THSD7B: variants seen among roughly 807,000 people sequenced by gnomAD.
THSD7B encodes the protein thrombospondin type 1 domain containing 7B, also known as thrombospondin type-1 domain-containing protein 7B.
In THSD7B, 138 loss-of-function variants were observed where a neutral mutation model predicts 213.6. The ratio of observed to expected loss-of-function variants is 0.65; its 90% CI spans 0.56 to 0.74. The LOEUF is 0.74. Among genes scored for constraint, THSD7B ranks in the 30% least tolerant of loss-of-function variants. The pLI, the probability that THSD7B is intolerant of heterozygous loss-of-function variation, is 0.00. For missense variants in THSD7B, 1,931 were observed against 1,991.5 expected (o/e 0.97, Z 0.58); for synonymous variants, 742 against 687.0 (o/e 1.08, Z -1.25).
chr2:137,294,364 C>G (rs1431123278), intron 12 of THSD7B, among the ~76,000 whole-genome samples: 2 of 151,798 alleles, frequency 1.3e-5, no homozygotes, highest in Non-Finnish European at 2.9e-5. Context: ...AGGTGGATCA[C>G]CTGAGGTCAA....
At chr2:137,529,355 A>C (rs369041644) in intron 15 of THSD7B, among the ~76,000 whole-genome samples, 27 of 152,206 alleles carry the variant, frequency 1.8e-4, no homozygotes, top group East Asian at 5.8e-4. Context: ...TTTTCAAGGC[A>C]GTCAGGGAAC....
Position 137,242,972 on chromosome 2 carries a change from C to T in THSD7B, c.2266+400C>T, listed in dbSNP as rs1339876614. ...GAATATAGGGCTCGAATACAATGCTCACATCACTGATTAATATAAGTACAT... is the reference window on the plus strand; with the variant it reads ...GAATATAGGGCTCGAATACAATGCTTACATCACTGATTAATATAAGTACAT... On this transcript the variant is annotated intron_variant, in intron 10 of 27. Coordinates refer to ENST00000409968, the MANE Select transcript of THSD7B (RefSeq NM_001316349.2). Among the ~76,000 whole-genome samples the T allele has an allele frequency of 2.0e-5, 3 of 152,088 alleles. No homozygotes were observed. The East Asian group carries it at 5.8e-4, about 29-fold the overall frequency.
chr2:137,581,358 C>T (rs1360280322), intron 17 of THSD7B, among the ~76,000 whole-genome samples: 5 of 152,192 alleles, frequency 3.3e-5, no homozygotes, highest in African/African-American at 7.2e-5. Context: ...GAGGCCAAGG[C>T]GGGCAGATCA....
At chr2:137,155,528 G>A (rs182395255) in intron 5 of THSD7B, among the ~76,000 whole-genome samples, 25 of 152,320 alleles carry the variant, frequency 1.6e-4, no homozygotes, top group East Asian at 9.6e-4. Context: ...GAGAACTGAA[G>A]ACTCAGTAGA....
At chr2:136,802,276 A>G (rs946065482) in intron 1 of THSD7B, among the ~76,000 whole-genome samples, 9 of 152,188 alleles carry the variant, frequency 5.9e-5, no homozygotes, top group Middle Eastern at 6.8e-3. Flanking sequence ...GAGACAATAT[A>G]ATCCCGTGGA....
intron 2 of THSD7B, among the ~76,000 whole-genome samples, chr2:136,883,316 G>GA (rs1683656545): frequency 7.0e-6 from 1 of 143,462 alleles, no homozygotes; most frequent in East Asian, 2.0e-4. Flanking sequence ...AAATGAAAGT[G>GA]AATTATGCTT....
intron 17 of THSD7B, among the ~76,000 whole-genome samples, chr2:137,590,965 A>G (rs1681854116): frequency 6.6e-6 from 1 of 151,508 alleles, no homozygotes; most frequent in Non-Finnish European, 1.5e-5. Flanking sequence ...TAATTTCTTG[A>G]GCTAATTGTG....
At chr2:137,516,175 C>T (rs1680064184) in intron 15 of THSD7B, among the ~76,000 whole-genome samples, 1 of 146,658 alleles carries the variant, frequency 6.8e-6, no homozygotes. Flanking sequence ...AGAGCTCTGA[C>T]ATGGGCTAAC....
At chr2:137,553,521 T>C (rs1196267625) in intron 15 of THSD7B, among the ~76,000 whole-genome samples, 13 of 152,150 alleles carry the variant, frequency 8.5e-5, no homozygotes, top group Admixed American at 8.5e-4. Context: ...GAGTTTATGA[T>C]ATGACTCCGG....
chr2:137,667,757 ATC>A lies in THSD7B; in HGVS notation c.4652-13_4652-12del, dbSNP rs1306410602. The A allele has an allele frequency of 6.3e-7, 1 of 1,587,550 alleles. No individual in the cohort carries two copies. The highest frequency in any genetic ancestry group is 8.6e-7 in the Non-Finnish European group (1 of 1,164,662). The stretch of plus-strand genomic sequence containing the variant: ...TTCTGTATGCTAAGCTTCTTATGTT[ATC>A]TCTATTTTAAACAGATGGCCGAGTA... On this transcript the variant is annotated splice_polypyrimidine_tract_variant and intron_variant, in intron 26 of 27. Transcript: ENST00000409968.
chr2:136,794,125 C>T (rs1208690651), intron 1 of THSD7B, among the ~76,000 whole-genome samples: 1 of 150,852 alleles, frequency 6.6e-6, no homozygotes, highest in Non-Finnish European at 1.5e-5. Flanking sequence ...TTCAGCTTTG[C>T]TATGTGAGAC....
At chr2:137,665,025 G>T (rs1362865670) in intron 26 of THSD7B, among the ~76,000 whole-genome samples, 3 of 152,106 alleles carry the variant, frequency 2.0e-5, no homozygotes, top group African/African-American at 7.2e-5. Context: ...AGATCTAACA[G>T]GAGAAGCAAT....
intron 15 of THSD7B, among the ~76,000 whole-genome samples, chr2:137,539,355 C>T (rs530814733): frequency 6.6e-5 from 10 of 151,610 alleles, no homozygotes; most frequent in Non-Finnish European, 4.4e-5. Context: ...GGATCTCATA[C>T]ACTGGGAAGG....
chr2:136,998,296 A>C lies in THSD7B; in HGVS notation c.140-58124A>C, dbSNP rs963025471. On this transcript the variant is annotated intron_variant, in intron 2 of 27. Transcript: ENST00000409968. ...AAAAAAAAAAAGAAAGAAAAAAAGA[A>C]AAGACAAGACAAGACACCTTTATTA... is the stretch of plus-strand genomic sequence containing the variant. Among the ~76,000 whole-genome samples the C allele has an allele frequency of 4.6e-5, 7 of 151,974 alleles. 1 individual carries two copies. The highest frequency in any genetic ancestry group is 1.0e-4 in the Non-Finnish European group (7 of 67,992).
chr2:137,285,538 T>C (rs1683150925), intron 12 of THSD7B, among the ~76,000 whole-genome samples: 2 of 151,936 alleles, frequency 1.3e-5, no homozygotes, highest in East Asian at 1.9e-4. Context: ...GTGTAGCTGG[T>C]ACCAGTTGTT....
At chr2:136,815,037 A>G (rs1399842853) in intron 1 of THSD7B, among the ~76,000 whole-genome samples, 3 of 152,208 alleles carry the variant, frequency 2.0e-5, no homozygotes, top group Admixed American at 1.3e-4. Context: ...TTATCTGTCT[A>G]TGGCTACTAT....
chr2:136,807,991 T>G (rs1038073053), intron 1 of THSD7B, among the ~76,000 whole-genome samples: 2 of 152,228 alleles, frequency 1.3e-5, no homozygotes, highest in African/African-American at 4.8e-5. Context: ...CATACATGTG[T>G]GTATACACTA....
At chr2:136,884,785 A>C (rs1683688278) in intron 2 of THSD7B, among the ~76,000 whole-genome samples, 1 of 152,094 alleles carries the variant, frequency 6.6e-6, no homozygotes, top group Non-Finnish European at 1.5e-5. Context: ...ATTTTTATTT[A>C]ATAAATTTAT....
rs1573611793 is a variant in THSD7B, at chr2:137,413,684, G to A, written c.2959+1812G>A. Reference sequence around the variant, plus strand: ...GTGTAGAGAGTGAGGAGAGAGCTGTGTGAAGTGAAGTTGAAGAAGTATGTG... The same window carrying A: ...GTGTAGAGAGTGAGGAGAGAGCTGTATGAAGTGAAGTTGAAGAAGTATGTG... On this transcript the variant is annotated intron_variant, in intron 14 of 27. Transcript: ENST00000409968. 4.6e-5 allele frequency among the ~76,000 whole-genome samples: 7 copies of A among 152,296 alleles called. 1 individual carries two copies. In the South Asian group the frequency reaches 1.2e-3, roughly 27 times the overall value.
Sources: allele counts gnomAD v4.1 joint callset (sites outside exome capture counted in the v4.1 genomes callset), GRCh38; gene constraint gnomAD v4.1.1; transcripts MANE v1.5; gene names NCBI Gene and HGNC (gene_info 2026-07-23, HGNC 2026-07-21).